The following LRP6 variants were observed in gnomAD, a reference collection of about 807,000 sequenced individuals.
LRP6 encodes the protein low-density lipoprotein receptor-related protein 6.
A neutral mutation model predicts 184.1 loss-of-function variants in LRP6; 43 were observed. The ratio of observed to expected loss-of-function variants is 0.23; its 90% CI spans 0.18 to 0.30. LRP6 has a LOEUF of 0.30. LRP6 is among the 10% of genes least tolerant of loss of function. LRP6 has a pLI of 1.00. For missense variants in LRP6, 1,571 were observed against 2,005.3 expected (o/e 0.78, Z 4.14); for synonymous variants, 719 against 684.9 (o/e 1.05, Z -0.78).
At chr12:12,215,790 T>C (rs1439260207) in intron 2 of LRP6, among the ~76,000 whole-genome samples, 1 of 151,630 alleles carries the variant, frequency 6.6e-6, no homozygotes, top group Non-Finnish European at 1.5e-5. Context: ...GGTGGGAGGA[T>C]CACCTGAGGT....
At position 12,231,054 on chromosome 12, in the gene LRP6, G is replaced by A. The variant is rs199554268; in HGVS notation, c.449+13208C>T. On this transcript the variant is annotated intron_variant, in intron 2 of 22. Coordinates refer to ENST00000261349, the MANE Select transcript of LRP6 (RefSeq NM_002336.3). ...AAATTAGCCGGGTGTGATGGCAGGCGCCTGTAATCCCAGCTACTTGGGAGG... is the reference window on the plus strand; with the variant it reads ...AAATTAGCCGGGTGTGATGGCAGGCACCTGTAATCCCAGCTACTTGGGAGG... Among the ~76,000 whole-genome samples, 21 of 151,734 alleles carry A rather than the reference G, an allele frequency of 1.4e-4. No homozygotes were observed. In the East Asian group the frequency reaches 3.7e-3, roughly 27 times the overall value.
Position 12,146,795 on chromosome 12 carries a change from G to A in LRP6, c.3397+571C>T, listed in dbSNP as rs148368324. ...GGCAGGGAGATCAACCAGAGGCTAG[G>A]ATTTGGCCACAGATGACAAGAACAT... On this transcript the variant is annotated intron_variant, in intron 15 of 22. Transcript: ENST00000261349. Among the ~76,000 whole-genome samples, 14 of 152,302 alleles carry A rather than the reference G, an allele frequency of 9.2e-5. No homozygotes were observed. The East Asian group carries it at 2.1e-3, about 23-fold the overall frequency.
At chr12:12,142,545 G>A (rs996792682) in intron 15 of LRP6, among the ~76,000 whole-genome samples, 2 of 151,398 alleles carry the variant, frequency 1.3e-5, no homozygotes, top group East Asian at 3.9e-4. Context: ...CTGTGAATAC[G>A]TAAGAAAAAA....
intron 1 of LRP6, among the ~76,000 whole-genome samples, chr12:12,261,130 T>G (rs1199438792): frequency 1.3e-5 from 2 of 152,060 alleles, no homozygotes; most frequent in African/African-American, 4.8e-5. Context: ...CTCTTAAAAA[T>G]TGAATCATGG....
In LRP6 at chr12:12,157,697, A is replaced by G. The variant is rs536069382; in HGVS notation, c.2791+1132T>C. Among the ~76,000 whole-genome samples, 4 of 152,296 alleles carry G rather than the reference A, an allele frequency of 2.6e-5. No individual in the cohort carries two copies. In the South Asian group the frequency reaches 8.3e-4, roughly 32 times the overall value. On this transcript the variant is annotated intron_variant, in intron 12 of 22. Coordinates refer to ENST00000261349, the MANE Select transcript of LRP6 (RefSeq NM_002336.3). ...CTCAAGCACAAAAGAAAGTCATGTC[A>G]ATAGTTAATTACCTCTAATATCCTT...
intron 9 of LRP6, among the ~76,000 whole-genome samples, chr12:12,163,228 A>G (rs567437758): frequency 1.8e-4 from 27 of 152,154 alleles, no homozygotes; most frequent in African/African-American, 6.5e-4. Flanking sequence ...CATGTGCCTC[A>G]GCCTCCCAAA....
chr12:12,193,178 T>C (rs1231106462), intron 3 of LRP6, among the ~76,000 whole-genome samples: 2 of 151,878 alleles, frequency 1.3e-5, no homozygotes, highest in East Asian at 3.8e-4. Context: ...GAAATTACAA[T>C]AAAAGTTTTT....
Position 12,229,382 on chromosome 12 carries a change from AAAAAAGAAG to A in LRP6, c.449+14871_449+14879del, listed in dbSNP as rs1432401723. ...TGAAACTCCATTTCAAAAAAAAAAA[AAAAAAGAAG>A]AAGAAGAAGAATATCTCACACTGAG... is the stretch of plus-strand genomic sequence containing the variant. On this transcript the variant is annotated intron_variant, in intron 2 of 22. Coordinates refer to ENST00000261349, the MANE Select transcript of LRP6 (RefSeq NM_002336.3). Among the ~76,000 whole-genome samples, 378 of 104,382 alleles carry A rather than the reference AAAAAAGAAG, an allele frequency of 3.6e-3. 4 individuals carry two copies. Among genetic ancestry groups the A allele is most frequent in the African/African-American group, 0.01 (330 of 32,828 alleles). 68.5% of individuals were successfully genotyped at this position (104,382 alleles called of 152,430 possible).
At position 12,120,913 on chromosome 12, in the gene LRP6, G is replaced by T; in HGVS notation, c.*213C>A. 1 of 426,130 alleles carries T rather than the reference G, an allele frequency of 2.3e-6. No individual in the cohort carries two copies. The highest frequency in any genetic ancestry group is 4.0e-5 in the Admixed American group (1 of 25,176). 26.4% of individuals were successfully genotyped at this position (426,130 alleles called of 1,614,324 possible). On this transcript the variant is annotated 3_prime_UTR_variant, in exon 23 of 23. Transcript: ENST00000261349. ...AAATTTTTTTTATACAAACTTTTAT[G>T]GCACAAGCAGCAAATCTGCTGTTTT...
At chr12:12,186,863 A>G in intron 4 of LRP6, 60 bp downstream of exon 4, 1 of 1,412,448 alleles carries the variant, frequency 7.1e-7, no homozygotes, top group East Asian at 2.3e-5. Flanking sequence ...CACTAAAGCC[A>G]GACATTAGAG....
Position 12,118,811 on chromosome 12 carries a change from G to A in LRP6, c.*2315C>T, listed in dbSNP as rs955185674. The A allele has an allele frequency of 1.3e-5, 2 of 151,990 alleles. No homozygotes were observed. The highest frequency in any genetic ancestry group is 1.3e-4 in the Admixed American group (2 of 15,238). 9.4% of individuals were successfully genotyped at this position (151,990 alleles called of 1,614,324 possible). A position where few individuals can be genotyped will look rare whatever the true frequency, so the allele number is the denominator to read the frequency against. On this transcript the variant is annotated 3_prime_UTR_variant, in exon 23 of 23. Transcript: ENST00000261349. ...AAATTGGCACACAAATTAGTATTTT[G>A]AAGAAGAGGCCATTGCCATCGCAGT...
intron 3 of LRP6, among the ~76,000 whole-genome samples, chr12:12,201,970 G>A (rs904786631): frequency 1.3e-5 from 2 of 152,072 alleles, no homozygotes; most frequent in African/African-American, 4.8e-5. Flanking sequence ...TCAGGTAATT[G>A]ACAAATGTTT....
At position 12,124,595 on chromosome 12, in the gene LRP6, G is replaced by A; in HGVS notation, c.4517C>T (p.Ser1506Leu). ...TGACCTATGAGTGGAAGGACTGTTT[G>A]AAGAATATCCAAATTCCATAGTGTA... ...SHYTMEFGYSSNSPSTHRSYS... is the reference protein window; with the variant it reads ...SHYTMEFGYSLNSPSTHRSYS... The change falls in exon 22 of 23, where the codon TCA becomes TTA. Residue 1506 changes from serine to leucine, a missense_variant. Ser to Leu is a moderately radical substitution (Grantham distance 145). Transcript: ENST00000261349. 6.2e-7 allele frequency: 1 copy of A among 1,613,552 alleles called. No individual in the cohort carries two copies. The highest frequency in any genetic ancestry group is 8.5e-7 in the Non-Finnish European group (1 of 1,179,494).
chr12:12,127,947 T>C (rs1360730082), intron 19 of LRP6, among the ~76,000 whole-genome samples: 3 of 152,200 alleles, frequency 2.0e-5, no homozygotes, highest in Admixed American at 1.3e-4. Flanking sequence ...ATCTGAAGCA[T>C]AGACTCTTCT....
In LRP6 at chr12:12,132,264, G is replaced by A. The variant is rs539666078; in HGVS notation, c.3734-207C>T. Among the ~76,000 whole-genome samples, 24 of 152,120 alleles carry A rather than the reference G, an allele frequency of 1.6e-4. No individual in the cohort carries two copies. The South Asian group carries it at 1.7e-3, about 11-fold the overall frequency. On this transcript the variant is annotated intron_variant, in intron 17 of 22. Transcript: ENST00000261349. ...TTACATTCACTATAAACTTTTGCCC[G>A]CAAAACTATAAGGCAAAAGTTTTTT...
At chr12:12,206,854 A>G (rs1864073840) in intron 2 of LRP6, among the ~76,000 whole-genome samples, 1 of 152,124 alleles carries the variant, frequency 6.6e-6, no homozygotes, top group Non-Finnish European at 1.5e-5. Context: ...AACTAGAGGA[A>G]AACTAAAAAA....
chr12:12,142,996 A>G (rs1347635615), intron 15 of LRP6, among the ~76,000 whole-genome samples: 1 of 152,162 alleles, frequency 6.6e-6, no homozygotes, highest in African/African-American at 2.4e-5. Flanking sequence ...CACAACTCTC[A>G]TTATTTGAAG....
intron 15 of LRP6, among the ~76,000 whole-genome samples, chr12:12,144,866 G>C (rs1226959186): frequency 1.5e-5 from 2 of 137,668 alleles, no homozygotes; most frequent in African/African-American, 2.8e-5. Context: ...TAAACAATGA[G>C]ATCACTTGGA....
At chr12:12,177,534 G>A (rs1863224085) in intron 7 of LRP6, among the ~76,000 whole-genome samples, 1 of 152,068 alleles carries the variant, frequency 6.6e-6, no homozygotes, top group South Asian at 2.1e-4. Flanking sequence ...AGTTATGCAG[G>A]ACTAATTTAG....
Sources: allele counts gnomAD v4.1 joint callset (sites outside exome capture counted in the v4.1 genomes callset), GRCh38; gene constraint gnomAD v4.1.1; transcripts MANE v1.5; gene names NCBI Gene and HGNC (gene_info 2026-07-23, HGNC 2026-07-21).